The following RNF150 variants were observed in gnomAD, a reference collection of about 807,000 sequenced individuals.
The protein encoded by RNF150 is ring finger protein 150.
A neutral mutation model predicts 39.3 loss-of-function variants in RNF150; 24 were observed. The observed-to-expected ratio is 0.61, with a 90% confidence interval of 0.44 to 0.86. RNF150 has a LOEUF of 0.86. Ranked by LOEUF, RNF150 falls within the 40% of genes least tolerant of loss-of-function variation. The pLI, the probability that RNF150 is intolerant of heterozygous loss-of-function variation, is 0.00. For synonymous variants in RNF150, 255 were observed against 227.3 expected (o/e 1.12, Z -1.10); for missense variants, 502 against 587.8 (o/e 0.85, Z 1.51).
At chr4:141,180,410 C>G (rs748451335) in intron 1 of RNF150, among the ~76,000 whole-genome samples, 1 of 152,180 alleles carries the variant, frequency 6.6e-6, no homozygotes, top group Non-Finnish European at 1.5e-5. Context: ...TTTCATGCTA[C>G]CCCAGCTAAA....
chr4:140,930,043 T>A (rs72935365), intron 4 of RNF150, among the ~76,000 whole-genome samples: 49,042 of 151,926 alleles, frequency 0.32, 8,342 homozygotes, highest in East Asian at 0.69. Context: ...TGCCTGTAAT[T>A]CCAGCTACTT....
chr4:140,953,481 T>A (rs1732616756), intron 2 of RNF150, among the ~76,000 whole-genome samples: 1 of 151,976 alleles, frequency 6.6e-6, no homozygotes, highest in African/African-American at 2.4e-5. Context: ...GAAAATCAGC[T>A]TCTGAGATGT....
chr4:141,131,023 T>TC (rs1184129333), intron 1 of RNF150, among the ~76,000 whole-genome samples: 1 of 152,170 alleles, frequency 6.6e-6, no homozygotes, highest in East Asian at 1.9e-4. Flanking sequence ...CTGGAACATT[T>TC]CCCCTCCCCA....
chr4:141,139,282 G>T (rs1031246478), intron 1 of RNF150, among the ~76,000 whole-genome samples: 11 of 152,232 alleles, frequency 7.2e-5, no homozygotes, highest in African/African-American at 2.7e-4. Context: ...TAGGCCCTGC[G>T]CTGACGCTCA....
At position 141,207,843 on chromosome 4, in the gene RNF150, C is replaced by A. The variant is rs562555627; in HGVS notation, c.-6+4951G>T. ...AAGGTTAAAACATACTTGGGGTAGCCTTTTCTCAACGTTTTACTTTCTTTT... is the reference window on the plus strand; with the variant it reads ...AAGGTTAAAACATACTTGGGGTAGCATTTTCTCAACGTTTTACTTTCTTTT... On this transcript the variant is annotated intron_variant, in intron 1 of 7. Transcript: ENST00000420921. Among the ~76,000 whole-genome samples, 220 of 152,230 alleles carry A rather than the reference C, an allele frequency of 1.4e-3. 4 individuals are homozygous for A. The highest frequency in any genetic ancestry group is 5.1e-3 in the African/African-American group (210 of 41,518).
chr4:141,073,889 G>A (rs1737796933), intron 1 of RNF150, among the ~76,000 whole-genome samples: 1 of 152,002 alleles, frequency 6.6e-6, no homozygotes, highest in Non-Finnish European at 1.5e-5. Context: ...ATGGACTGGG[G>A]AGCGGGGAGT....
chr4:141,165,077 G>A (rs1419474897), intron 1 of RNF150, among the ~76,000 whole-genome samples: 2 of 152,098 alleles, frequency 1.3e-5, no homozygotes, highest in African/African-American at 2.4e-5. Context: ...GACAGACATA[G>A]CCTAAAACTA....
intron 1 of RNF150, among the ~76,000 whole-genome samples, chr4:141,059,091 G>T (rs1737108864): frequency 6.6e-6 from 1 of 152,164 alleles, no homozygotes; most frequent in Non-Finnish European, 1.5e-5. Flanking sequence ...CCCCTATCCT[G>T]TATCCTGTGG....
chr4:141,115,996 A>G (rs2111073618), intron 1 of RNF150, among the ~76,000 whole-genome samples: 1 of 152,324 alleles, frequency 6.6e-6, no homozygotes, highest in East Asian at 1.9e-4. Flanking sequence ...TTAACTCAAG[A>G]TGGATTACAG....
chr4:141,065,802 C>T (rs892467499), intron 1 of RNF150, among the ~76,000 whole-genome samples: 1 of 151,954 alleles, frequency 6.6e-6, no homozygotes, highest in African/African-American at 2.4e-5. Flanking sequence ...TGCCGACTCC[C>T]TCCGCTTGGA....
At chr4:141,033,008 C>T (rs188203919) in intron 1 of RNF150, among the ~76,000 whole-genome samples, 136 of 152,228 alleles carry the variant, frequency 8.9e-4, no homozygotes, top group Admixed American at 2.9e-3. Context: ...TACTGAAGGT[C>T]GGGAGCTGTG....
At chr4:140,905,116 C>G (rs922575561) in intron 6 of RNF150, among the ~76,000 whole-genome samples, 2 of 152,194 alleles carry the variant, frequency 1.3e-5, no homozygotes, top group African/African-American at 4.8e-5. Flanking sequence ...GGCGTCAGAG[C>G]TGGCATGAAA....
At chr4:141,185,795 T>A in intron 1 of RNF150, among the ~76,000 whole-genome samples, 1 of 152,232 alleles carries the variant, frequency 6.6e-6, no homozygotes, top group East Asian at 1.9e-4. Context: ...AATCATGTGG[T>A]TTTTGTGATT....
intron 1 of RNF150, among the ~76,000 whole-genome samples, chr4:140,983,803 A>C (rs1194120026): frequency 6.7e-6 from 1 of 150,296 alleles, no homozygotes; most frequent in East Asian, 2.0e-4. Flanking sequence ...GCAGTGGCAC[A>C]ATCTTGTATC....
chr4:141,034,264 C>G (rs539737088), intron 1 of RNF150, among the ~76,000 whole-genome samples: 1 of 152,236 alleles, frequency 6.6e-6, no homozygotes, highest in African/African-American at 2.4e-5. Context: ...CATGAACTAG[C>G]CTCTGCTAGC....
At chr4:141,076,543 T>C (rs1737901349) in intron 1 of RNF150, among the ~76,000 whole-genome samples, 1 of 151,594 alleles carries the variant, frequency 6.6e-6, no homozygotes, top group Admixed American at 6.6e-5. Context: ...CAAACTGAGC[T>C]TTTTACTGTT....
At chr4:140,933,897 C>G (rs1731741215) in intron 4 of RNF150, among the ~76,000 whole-genome samples, 1 of 152,226 alleles carries the variant, frequency 6.6e-6, no homozygotes, top group African/African-American at 2.4e-5. Flanking sequence ...CCTACCATAT[C>G]CTCAATCCCA....
intron 1 of RNF150, among the ~76,000 whole-genome samples, chr4:141,142,425 GCA>G (rs1242718241): frequency 1.4e-4 from 22 of 152,102 alleles, no homozygotes; most frequent in Admixed American, 1.4e-3. Context: ...AGTCCTGTCG[GCA>G]CACAGACAGG....
chr4:141,013,323 A>G (rs1167309854), intron 1 of RNF150, among the ~76,000 whole-genome samples: 1 of 152,220 alleles, frequency 6.6e-6, no homozygotes, highest in Non-Finnish European at 1.5e-5. Flanking sequence ...CTGAAGCTGT[A>G]TTATGGGGAT....
Sources: gnomAD v4.1 joint callset for allele counts (sites outside exome capture counted in the v4.1 genomes callset) on GRCh38, gnomAD v4.1.1 for gene constraint, MANE v1.5 for transcripts, NCBI Gene and HGNC (gene_info 2026-07-23, HGNC 2026-07-21) for gene names.